Variants in PNPLA7 observed in about 807,000 individuals in gnomAD.
The protein encoded by PNPLA7 is patatin-like phospholipase domain-containing protein 7.
Under a neutral mutation model 161.7 loss-of-function variants are expected in PNPLA7, and 153 were observed. The ratio of observed to expected loss-of-function variants is 0.95; its 90% CI spans 0.83 to 1.08. The LOEUF (loss-of-function observed/expected upper bound fraction) is 1.08, where lower values mean the gene tolerates loss of function less well. Ranked by LOEUF, PNPLA7 falls within the 50% of genes least tolerant of loss-of-function variation. The pLI is 0.00. For missense variants in PNPLA7, 1,739 were observed against 1,856.6 expected (o/e 0.94, Z 1.16); for synonymous variants, 809 against 782.1 (o/e 1.03, Z -0.57).
chr9:137,464,442 C>A lies in PNPLA7; in HGVS notation c.3054G>T (p.Leu1018Phe), dbSNP rs148497972. The A allele has an allele frequency of 1.2e-6, 2 of 1,613,908 alleles. No homozygotes were observed. Among genetic ancestry groups the A allele is most frequent in the Non-Finnish European group, 8.5e-7 (1 of 1,179,978 alleles). ...AKQWAEGMTS[L>F]MKAALDLTYP... ...AGGTGAGGTCCAGCGCGGCCTTCAT[C>A]AAGGACGTCATGCCCTGGGGCCACA... Residue 1018 changes from leucine to phenylalanine, a missense_variant, in exon 27 of 35, where the codon TTG becomes TTT. Physicochemically the swap from Leu to Phe is conservative, Grantham distance 22 (BLOSUM62 0). This residue lies in a region of PNPLA7 where 703 missense variants were observed against 694.6 expected (regional missense o/e 1.01). Coordinates refer to ENST00000406427, the MANE Select transcript of PNPLA7 (RefSeq NM_001098537.3).
chr9:137,506,946 C>T (rs1043314387), intron 12 of PNPLA7, among the ~76,000 whole-genome samples: 7 of 152,226 alleles, frequency 4.6e-5, no homozygotes, highest in Non-Finnish European at 1.0e-4. Context: ...ACAGAGGAAC[C>T]GCGCAGACAC....
chr9:137,519,616 G>A, intron 11 of PNPLA7, among the ~76,000 whole-genome samples: 1 of 152,068 alleles, frequency 6.6e-6, no homozygotes, highest in Non-Finnish European at 1.5e-5. Flanking sequence ...AGGAGATGGG[G>A]ACACGTGAGG....
chr9:137,461,380 C>T (rs573460727), intron 33 of PNPLA7, 156 bp downstream of exon 33: 3 of 753,956 alleles, frequency 4.0e-6, no homozygotes, highest in Non-Finnish European at 6.1e-6. Flanking sequence ...GTGCCCGGGA[C>T]GGAGGAGTGC....
intron 12 of PNPLA7, among the ~76,000 whole-genome samples, 184 bp from the exon 13 acceptor site, chr9:137,506,267 C>T (rs909193104): frequency 1.6e-4 from 25 of 152,214 alleles, no homozygotes; most frequent in Non-Finnish European, 1.8e-4. Context: ...GGCTCTGTGA[C>T]CCACCAGCTA....
chr9:137,546,764 G>A, intron 4 of PNPLA7, 66 bp downstream of exon 4: 1 of 1,481,922 alleles, frequency 6.7e-7, no homozygotes. Flanking sequence ...ACAGCAGAAG[G>A]GGTCCCTCCC....
chr9:137,529,934 C>T (rs1398558337), intron 8 of PNPLA7, among the ~76,000 whole-genome samples: 1 of 151,756 alleles, frequency 6.6e-6, no homozygotes, highest in African/African-American at 2.4e-5. Flanking sequence ...GCTGGGATTA[C>T]AGGTGTGAGC....
intron 11 of PNPLA7, among the ~76,000 whole-genome samples, chr9:137,518,224 C>G (rs1213318681): frequency 6.4e-5 from 9 of 140,724 alleles, no homozygotes; most frequent in South Asian, 4.6e-4. Flanking sequence ...CCATCCCCCA[C>G]TCACTCACTC....
At chr9:137,542,175 A>C (rs1641081209) in intron 7 of PNPLA7, among the ~76,000 whole-genome samples, 1 of 152,234 alleles carries the variant, frequency 6.6e-6, no homozygotes. Flanking sequence ...TGGAAGATAC[A>C]TTTAAAACAG....
chr9:137,487,818 CT>C (rs1442930771), intron 20 of PNPLA7, among the ~76,000 whole-genome samples: 5 of 152,314 alleles, frequency 3.3e-5, no homozygotes, highest in African/African-American at 1.2e-4. Flanking sequence ...CTCCACCTGC[CT>C]GTCAGGGGCA....
At chr9:137,481,110 C>T (rs1050529568) in intron 21 of PNPLA7, 87 bp from the exon 22 acceptor site, 27 of 1,434,348 alleles carry the variant, frequency 1.9e-5, no homozygotes, top group Admixed American at 1.2e-4. Context: ...AAGGTACCGA[C>T]GCCGAGCCAG....
At position 137,542,749 on chromosome 9, in the gene PNPLA7, C is replaced by T. The variant is rs763051399; in HGVS notation, c.559G>A (p.Val187Ile). The change falls in exon 7 of 35, where the codon GTC becomes ATC. Residue 187 changes from valine (V) to isoleucine (I), a missense_variant. Coordinates refer to ENST00000406427, the MANE Select transcript of PNPLA7 (RefSeq NM_001098537.3). ...PLFLELCKHI[V>I]FVQLQEGEHV... ...TCCCCTTCCTGCAGCTGCACAAAGA[C>T]GATGTGTTTGCAAAGCTCCAGGAAC... The T allele has an allele frequency of 2.2e-5, 36 of 1,613,666 alleles. No homozygotes were observed. The highest frequency in any genetic ancestry group is 2.0e-4 in the South Asian group (18 of 91,072).
At position 137,461,591 on chromosome 9, in the gene PNPLA7, C is replaced by T. The variant is rs142799630; in HGVS notation, c.3786G>A (p.Thr1262=). Reference sequence around the variant, plus strand: ...TGCGAGACACAATTTCGGCAAGGTCCGTGAAGGAGGCGTTGGGACAGGTGA... The same window carrying T: ...TGCGAGACACAATTTCGGCAAGGTCTGTGAAGGAGGCGTTGGGACAGGTGA... ...AVLTCPNASF[T]DLAEIVSRIE... is the part of the protein sequence containing the mutation. Residue 1262 remains threonine (T), a synonymous_variant, in exon 33 of 35, where the codon ACG becomes ACA. Transcript: ENST00000406427. 6 of 1,612,666 alleles carry T rather than the reference C, an allele frequency of 3.7e-6. No individual in the cohort carries two copies. The African/African-American group carries it at 5.3e-5, about 14-fold the overall frequency.
rs193284763 is a variant in PNPLA7, at chr9:137,542,222, G to A, written c.666+420C>T. On this transcript the variant is annotated intron_variant, in intron 7 of 34. Coordinates refer to ENST00000406427, the MANE Select transcript of PNPLA7 (RefSeq NM_001098537.3). ...AGTGCCTCATGCCTGTAATTCCAGT[G>A]CTCTGAGAGGACAAGATGGGAGAAT... 3.3e-4 allele frequency among the ~76,000 whole-genome samples: 50 copies of A among 152,280 alleles called. No homozygotes were observed. In the East Asian group the frequency reaches 9.3e-3, roughly 28 times the overall value.
intron 11 of PNPLA7, among the ~76,000 whole-genome samples, chr9:137,518,183 TC>T (rs1434579176): frequency 3.1e-5 from 3 of 96,290 alleles, no homozygotes; most frequent in African/African-American, 4.6e-5. Context: ...GTCCACTCCA[TC>T]CCCCACTCAC....
intron 9 of PNPLA7, among the ~76,000 whole-genome samples, chr9:137,522,363 C>A (rs954511488): frequency 2.1e-5 from 3 of 145,352 alleles, no homozygotes; most frequent in East Asian, 2.2e-4. Context: ...CGGGAGCCGC[C>A]GCGCCCGGCC....
chr9:137,508,311 G>C (rs1467985776), intron 12 of PNPLA7, among the ~76,000 whole-genome samples: 1 of 152,146 alleles, frequency 6.6e-6, no homozygotes, highest in East Asian at 1.9e-4. Flanking sequence ...CTCACGCCTG[G>C]AATCCCAGCA....
At chr9:137,491,169 G>C (rs1225098969) in intron 20 of PNPLA7, among the ~76,000 whole-genome samples, 2 of 152,112 alleles carry the variant, frequency 1.3e-5, no homozygotes, top group East Asian at 3.9e-4. Context: ...TGAGGGGGGG[G>C]GAATCACTTG....
At chr9:137,519,347 C>A (rs972966249) in intron 11 of PNPLA7, among the ~76,000 whole-genome samples, 1 of 152,254 alleles carries the variant, frequency 6.6e-6, no homozygotes, top group Non-Finnish European at 1.5e-5. Context: ...CTCAGAACAG[C>A]GGGTGAGAGC....
At position 137,500,558 on chromosome 9, in the gene PNPLA7, C is replaced by T; in HGVS notation, c.1757+133G>A. 1 of 841,668 alleles carries T rather than the reference C, an allele frequency of 1.2e-6. No homozygotes were observed. The highest frequency in any genetic ancestry group is 2.6e-5 in the Admixed American group (1 of 38,398). 52.1% of individuals were successfully genotyped at this position (841,668 alleles called of 1,614,324 possible). A position where few individuals can be genotyped will look rare whatever the true frequency, so the allele number is the denominator to read the frequency against. On this transcript the variant is annotated intron_variant, in intron 16 of 34. Transcript: ENST00000406427. The surrounding 1 kb of genome is among the most constrained non-coding windows in gnomAD (Gnocchi z 5.5). Reference sequence around the variant, plus strand: ...GCACAGACCTGGGCCCACACAGGTGCCGGGGACAAAGAGGGGAGCCCGAGA... The same window carrying T: ...GCACAGACCTGGGCCCACACAGGTGTCGGGGACAAAGAGGGGAGCCCGAGA...
Sources: allele counts gnomAD v4.1 joint callset (sites outside exome capture counted in the v4.1 genomes callset), GRCh38; gene constraint gnomAD v4.1.1; regional missense constraint gnomAD v4.1.1; non-coding constraint Gnocchi (gnomAD v3.1); transcripts MANE v1.5; gene names NCBI Gene and HGNC (gene_info 2026-07-23, HGNC 2026-07-21).